Variants in DIAPH2 observed in about 807,000 individuals in gnomAD.
DIAPH2 encodes the protein protein diaphanous homolog 2.
A neutral mutation model predicts 92.7 loss-of-function variants in DIAPH2; 35 were observed. The ratio of observed to expected loss-of-function variants is 0.38; its 90% CI spans 0.29 to 0.50. DIAPH2 has a LOEUF of 0.50. DIAPH2 is among the 20% of genes least tolerant of loss of function. DIAPH2 has a pLI of 0.94. For synonymous variants in DIAPH2, 301 were observed against 280.4 expected (o/e 1.07, Z -0.73); for missense variants, 701 against 819.5 (o/e 0.86, Z 1.77).
chrX:97,535,475 A>G (rs183791253), intron 26 of DIAPH2, among the ~76,000 whole-genome samples: 16 of 111,988 alleles, frequency 1.4e-4, no homozygotes, highest in Non-Finnish European at 2.4e-4. Context: ...TTTTTGAGAC[A>G]GAGTCTCACT....
At chrX:97,241,771 A>ATT (rs141923182) in intron 22 of DIAPH2, among the ~76,000 whole-genome samples, 68 of 50,955 alleles carry the variant, frequency 1.3e-3, no homozygotes, top group African/African-American at 4.6e-3. Flanking sequence ...AAGTAGGCTG[A>ATT]TTTTTTTTTT....
intron 26 of DIAPH2, among the ~76,000 whole-genome samples, chrX:97,550,232 G>A (rs1043901601): frequency 3.6e-5 from 4 of 111,594 alleles, no homozygotes; most frequent in African/African-American, 9.8e-5. Context: ...GGTGGCGGGC[G>A]CCTGTAATCC....
At position 97,185,484 on chromosome X, in the gene DIAPH2, T is replaced by TACACAC. The variant is rs2067592729; in HGVS notation, c.2719+43691_2719+43692insCACACA. 2.1e-3 allele frequency among the ~76,000 whole-genome samples: 24 copies of TACACAC among 11,419 alleles called. 2 individuals are homozygous for TACACAC. Among genetic ancestry groups the TACACAC allele is most frequent in the Middle Eastern group, 0.05 (1 of 20 alleles). 9.9% of individuals were successfully genotyped at this position (11,419 alleles called of 115,157 possible). A position where few individuals can be genotyped will look rare whatever the true frequency, so the allele number is the denominator to read the frequency against. ...ATATATATATATACACATATATATATATATATATATATATATATATATATA... is the reference window on the plus strand; with the variant it reads ...ATATATATATATACACATATATATATACACACATATATATATATATATATATATATA... On this transcript the variant is annotated intron_variant, in intron 22 of 26. Transcript: ENST00000324765.
At chrX:97,312,398 G>A (rs1315089253) in intron 23 of DIAPH2, among the ~76,000 whole-genome samples, 2 of 92,535 alleles carry the variant, frequency 2.2e-5, no homozygotes, top group African/African-American at 8.3e-5. Flanking sequence ...TGCTCAGGCT[G>A]GAGTGCAGTG....
At chrX:97,075,086 A>G (rs989151833) in intron 18 of DIAPH2, 81 bp from the exon 19 acceptor site, 5 of 603,977 alleles carry the variant, frequency 8.3e-6, no homozygotes, top group East Asian at 4.1e-5. Flanking sequence ...TTTTGAGTCT[A>G]TGAAATGAAA....
At chrX:97,349,006 G>GTGTGTATATATA (rs201863877) in intron 24 of DIAPH2, among the ~76,000 whole-genome samples, 3,973 of 104,338 alleles carry the variant, frequency 0.038, 80 homozygotes, top group African/African-American at 0.066. Context: ...ATATATATGT[G>GTGTGTATATATA]TGTGTATATA....
At chrX:96,763,417 A>G (rs1399906025) in intron 4 of DIAPH2, among the ~76,000 whole-genome samples, 1 of 110,880 alleles carries the variant, frequency 9.0e-6, no homozygotes. Context: ...ATGAAATTGT[A>G]TGTTTTACCT....
At chrX:97,253,939 T>C (rs1057283720) in intron 23 of DIAPH2, among the ~76,000 whole-genome samples, 27 of 111,746 alleles carry the variant, frequency 2.4e-4, no homozygotes, top group Non-Finnish European at 4.7e-4. Flanking sequence ...TGGGGATTTA[T>C]AGCCAAGAAG....
chrX:97,205,197 T>C (rs2067786501), intron 22 of DIAPH2, among the ~76,000 whole-genome samples: 1 of 112,225 alleles, frequency 8.9e-6, no homozygotes, highest in African/African-American at 3.2e-5. Flanking sequence ...AAGACTTAAA[T>C]GTAAATCCCA....
chrX:96,990,380 G>A, intron 17 of DIAPH2, among the ~76,000 whole-genome samples: 1 of 111,660 alleles, frequency 9.0e-6, no homozygotes, highest in Admixed American at 9.5e-5. Flanking sequence ...TGTAGCCACA[G>A]GCCTATTTCC....
chrX:96,825,697 A>G (rs1390357262), intron 4 of DIAPH2, among the ~76,000 whole-genome samples: 1 of 111,303 alleles, frequency 9.0e-6, no homozygotes, highest in African/African-American at 3.3e-5. Context: ...AGTTTTCGTT[A>G]TTACCTACTC....
At chrX:97,199,786 T>C (rs935543089) in intron 22 of DIAPH2, among the ~76,000 whole-genome samples, 1 of 111,860 alleles carries the variant, frequency 8.9e-6, no homozygotes, top group Non-Finnish European at 1.9e-5. Flanking sequence ...TATCTTTGAA[T>C]CATCTGACAC....
chrX:97,168,524 A>G (rs981412009), intron 22 of DIAPH2, among the ~76,000 whole-genome samples: 9 of 111,294 alleles, frequency 8.1e-5, no homozygotes, highest in Non-Finnish European at 1.7e-4. Flanking sequence ...TTGATTACCT[A>G]CTACTATCAG....
intron 23 of DIAPH2, among the ~76,000 whole-genome samples, chrX:97,293,535 G>A (rs1472815338): frequency 9.0e-6 from 1 of 111,535 alleles, no homozygotes. Context: ...ACAGGCGTGA[G>A]CCACTGCCCC....
chrX:96,989,141 G>A (rs867740319), intron 17 of DIAPH2, among the ~76,000 whole-genome samples: 3 of 111,612 alleles, frequency 2.7e-5, no homozygotes, highest in Non-Finnish European at 5.7e-5. Context: ...TAAAAGGTTT[G>A]CATTATCTTG....
intron 16 of DIAPH2, among the ~76,000 whole-genome samples, chrX:96,962,524 C>A (rs1241508732): frequency 3.1e-5 from 2 of 63,944 alleles, no homozygotes; most frequent in Non-Finnish European, 5.5e-5. Context: ...TATATATATA[C>A]CTACTTTGTC....
chrX:97,493,613 C>T (rs1038263418), intron 26 of DIAPH2, among the ~76,000 whole-genome samples: 4 of 110,745 alleles, frequency 3.6e-5, no homozygotes, highest in African/African-American at 1.3e-4. Flanking sequence ...GATGTGGTGG[C>T]TCATGTCTGT....
At chrX:97,136,199 T>C (rs781304743) in intron 21 of DIAPH2, among the ~76,000 whole-genome samples, 30 of 112,067 alleles carry the variant, frequency 2.7e-4, no homozygotes, top group African/African-American at 9.0e-4. Context: ...CAGAGGGATT[T>C]TTAGTTTATA....
rs189711638 is a variant in DIAPH2 at position 97,572,242 on chromosome X, A to G, written c.3242-27011A>G. On this transcript the variant is annotated intron_variant, in intron 26 of 26. Transcript: ENST00000324765. ...TTTGATGTCAGTTTCATTCTTTTTA[A>G]AGACAAATGCATTCACTGATGAGAA... is the stretch of plus-strand genomic sequence containing the variant. 3.6e-5 allele frequency among the ~76,000 whole-genome samples: 4 copies of G among 111,417 alleles called. No individual in the cohort carries two copies. In the East Asian group the frequency reaches 8.4e-4, roughly 24 times the overall value.
Sources: gnomAD v4.1 joint callset for allele counts (sites outside exome capture counted in the v4.1 genomes callset) on GRCh38, gnomAD v4.1.1 for gene constraint, MANE v1.5 for transcripts, NCBI Gene and HGNC (gene_info 2026-07-23, HGNC 2026-07-21) for gene names.